MAGI2: variants seen among roughly 807,000 people sequenced by gnomAD.
The protein encoded by MAGI2 is membrane associated guanylate kinase, WW and PDZ domain containing 2, also known as membrane-associated guanylate kinase, WW and PDZ domain-containing protein 2.
MAGI2 carries 35 observed loss-of-function variants against 133.3 expected under a neutral mutation model. That is an observed-to-expected ratio of 0.26 (90% CI 0.20 to 0.35). The LOEUF (loss-of-function observed/expected upper bound fraction) is 0.35. Ranked by LOEUF, MAGI2 falls within the 10% of genes least tolerant of loss-of-function variation. The pLI is 1.00. For missense variants in MAGI2, 1,636 were observed against 1,863.4 expected (o/e 0.88, Z 2.25); for synonymous variants, 729 against 710.6 (o/e 1.03, Z -0.41).
At chr7:78,540,611 C>T (rs1323949673) in intron 3 of MAGI2, among the ~76,000 whole-genome samples, 1 of 152,016 alleles carries the variant, frequency 6.6e-6, no homozygotes, top group Non-Finnish European at 1.5e-5. Flanking sequence ...AGATTCTGCC[C>T]AGGAAAATTT....
intron 1 of MAGI2, among the ~76,000 whole-genome samples, chr7:79,113,437 C>G (rs1819114417): frequency 6.6e-6 from 1 of 152,108 alleles, no homozygotes; most frequent in African/African-American, 2.4e-5. Flanking sequence ...AATTGTCACA[C>G]GGGTTTGTCA....
In MAGI2 at chr7:79,453,252, G is replaced by A. The variant is rs771988703; in HGVS notation, c.69C>T (p.Asn23=). 5 of 1,613,740 alleles carry A rather than the reference G, an allele frequency of 3.1e-6. No individual in the cohort carries two copies. The highest frequency in any genetic ancestry group is 1.3e-5 in the African/African-American group (1 of 74,938). Residue 23 remains asparagine (N), a synonymous_variant, in exon 1 of 22, where the codon AAC becomes AAT. Transcript: ENST00000354212. ...GTTCAAAGCCCAGCTGGCCCTCCGG[G>A]TTCCTGCCAATGACACTCTCATGGA... The part of the protein sequence containing the change: ...SKVHESVIGR[N]PEGQLGFELK...
At chr7:78,567,919 A>C (rs1256810121) in intron 3 of MAGI2, 1 of 152,242 alleles carries the variant, frequency 6.6e-6, no homozygotes, top group Non-Finnish European at 1.5e-5. Context: ...GCATTTGTCC[A>C]CACCATTACA....
intron 1 of MAGI2, among the ~76,000 whole-genome samples, chr7:79,283,552 G>A (rs963925642): frequency 2.0e-5 from 3 of 152,138 alleles, no homozygotes; most frequent in Admixed American, 6.6e-5. Context: ...GACCAAATCC[G>A]ATCATGGTAG....
At chr7:79,413,661 T>C (rs1846292875) in intron 1 of MAGI2, 2 of 152,062 alleles carry the variant, frequency 1.3e-5, no homozygotes, top group East Asian at 1.9e-4. Flanking sequence ...TTTGTGTCTG[T>C]TATTTCTTCT....
At chr7:78,297,592 A>ATGAT (rs1204399233) in intron 9 of MAGI2, among the ~76,000 whole-genome samples, 10 of 150,960 alleles carry the variant, frequency 6.6e-5, no homozygotes, top group East Asian at 3.9e-4. Flanking sequence ...ATGTCCAACA[A>ATGAT]TGATAGACTG....
At chr7:78,746,614 T>C (rs1413138872) in intron 2 of MAGI2, among the ~76,000 whole-genome samples, 1 of 152,238 alleles carries the variant, frequency 6.6e-6, no homozygotes, top group Non-Finnish European at 1.5e-5. Context: ...TGGGCAGAAC[T>C]GCAGCCAACC....
At chr7:79,145,481 G>A (rs1290761059) in intron 1 of MAGI2, among the ~76,000 whole-genome samples, 1 of 151,962 alleles carries the variant, frequency 6.6e-6, no homozygotes, top group Non-Finnish European at 1.5e-5. Flanking sequence ...TAAACAAAAT[G>A]TGTTTTTGAG....
chr7:78,626,355 C>T (rs985670705), intron 3 of MAGI2, among the ~76,000 whole-genome samples: 5 of 152,086 alleles, frequency 3.3e-5, no homozygotes, highest in Non-Finnish European at 7.4e-5. Flanking sequence ...ATCATATCAA[C>T]ATACTGTTAC....
chr7:79,107,188 G>A (rs1356372357), intron 1 of MAGI2, among the ~76,000 whole-genome samples: 1 of 152,178 alleles, frequency 6.6e-6, no homozygotes, highest in Non-Finnish European at 1.5e-5. Flanking sequence ...CTCCAGGTAA[G>A]AGCAGGATAG....
chr7:78,157,882 G>C (rs927941825), intron 16 of MAGI2, among the ~76,000 whole-genome samples: 1 of 152,116 alleles, frequency 6.6e-6, no homozygotes, highest in African/African-American at 2.4e-5. Context: ...TGAAGAAAAA[G>C]GGAAATGAAA....
intron 1 of MAGI2, among the ~76,000 whole-genome samples, chr7:79,330,854 G>A (rs958277834): frequency 2.0e-5 from 3 of 151,996 alleles, no homozygotes; most frequent in East Asian, 3.9e-4. Context: ...AACATAATCT[G>A]AATTTAAATG....
chr7:78,318,356 G>A (rs1330017490), intron 9 of MAGI2, among the ~76,000 whole-genome samples: 1 of 152,132 alleles, frequency 6.6e-6, no homozygotes, highest in Non-Finnish European at 1.5e-5. Context: ...AATCGATTAA[G>A]CAGAAGAAAG....
intron 10 of MAGI2, among the ~76,000 whole-genome samples, chr7:78,236,171 T>C (rs1290211525): frequency 6.6e-6 from 1 of 152,102 alleles, no homozygotes; most frequent in Non-Finnish European, 1.5e-5. Flanking sequence ...AGAACTTATC[T>C]TGTTAACTGG....
intron 1 of MAGI2, chr7:79,011,988 G>GT (rs1808196541): frequency 8.2e-6 from 1 of 121,724 alleles, no homozygotes; most frequent in Non-Finnish European, 1.8e-5. Flanking sequence ...TCTTTTTCTT[G>GT]TTTTTTATTG....
chr7:79,072,760 G>A (rs1330736814), intron 1 of MAGI2, among the ~76,000 whole-genome samples: 1 of 152,208 alleles, frequency 6.6e-6, no homozygotes, highest in African/African-American at 2.4e-5. Context: ...CGGCATAGCA[G>A]CAAAGTTTTT....
chr7:78,941,556 G>A (rs548828059), intron 2 of MAGI2, among the ~76,000 whole-genome samples: 4 of 151,936 alleles, frequency 2.6e-5, no homozygotes, highest in South Asian at 2.1e-4. Context: ...GGCTGGTCTC[G>A]AACTCCTGGC....
intron 1 of MAGI2, among the ~76,000 whole-genome samples, chr7:79,443,391 C>G (rs962182369): frequency 1.3e-5 from 2 of 150,678 alleles, no homozygotes; most frequent in African/African-American, 4.9e-5. Flanking sequence ...TGAAGAAAAG[C>G]AAAGCGAGAC....
At chr7:79,247,697 A>G (rs1832922298) in intron 1 of MAGI2, among the ~76,000 whole-genome samples, 1 of 152,106 alleles carries the variant, frequency 6.6e-6, no homozygotes, top group Non-Finnish European at 1.5e-5. Flanking sequence ...AACCACAAAA[A>G]GTTCAAAAAT....
Sources: allele counts gnomAD v4.1 joint callset (sites outside exome capture counted in the v4.1 genomes callset), GRCh38; gene constraint gnomAD v4.1.1; transcripts MANE v1.5; gene names NCBI Gene and HGNC (gene_info 2026-07-23, HGNC 2026-07-21).